KIAA0513: variants seen among roughly 807,000 people sequenced by gnomAD.
The protein encoded by KIAA0513 is KIAA0513.
Under a neutral mutation model 56.5 loss-of-function variants are expected in KIAA0513, and 39 were observed. The observed-to-expected ratio is 0.69, with a 90% CI of 0.53 to 0.90. KIAA0513 has a LOEUF of 0.90. Among genes scored for constraint, KIAA0513 ranks in the 40% least tolerant of loss-of-function variants. KIAA0513 has a pLI of 0.00. For missense variants in KIAA0513, 591 were observed against 535.2 expected, an observed-to-expected ratio of 1.10 and a Z score of -1.03; for synonymous variants, 268 against 215.6, an observed-to-expected ratio of 1.24 and a Z score of -2.13.
In KIAA0513 at chr16:85,066,881, G is replaced by A. The variant is rs74031417; in HGVS notation, c.-172-19G>A. 2,211 of 525,410 alleles carry A rather than the reference G, an allele frequency of 4.2e-3. 44 individuals are homozygous for A. The highest frequency in any genetic ancestry group is 0.039 in the African/African-American group (2,026 of 52,020). The allele number at this position is 525,410 out of a possible 1,614,324, so 32.5% of individuals were successfully genotyped here. On this transcript the variant is annotated intron_variant, in intron 1 of 12. Transcript: ENST00000683363. ...GGTGAGGAGTGGCGCTAATGTCTGT[G>A]TCTGTGTTTCCATTCTAGATGCCGT... is the stretch of plus-strand genomic sequence containing the variant.
chr16:85,067,122 G>C lies in KIAA0513; in HGVS notation c.51G>C (p.Glu17Asp). 1 of 1,611,670 alleles carries C rather than the reference G, an allele frequency of 6.2e-7. No homozygotes were observed. The highest frequency in any genetic ancestry group is 8.5e-7 in the Non-Finnish European group (1 of 1,178,470). The stretch of plus-strand genomic sequence containing the variant: ...GCTCGCTAATCGACTTTGGGCCTGA[G>C]GCACCCACCTCTTCTCCCCTGGAGG... ...PVGSLIDFGP[E>D]APTSSPLEAP... The change falls in exon 2 of 13, where the codon GAG becomes GAC. Residue 17 changes from glutamate (E) to aspartate (D), a missense_variant. Coordinates refer to ENST00000683363, the MANE Select transcript of KIAA0513 (RefSeq NM_001388359.1).
chr16:85,054,623 C>A (rs945208655), intron 1 of KIAA0513, among the ~76,000 whole-genome samples: 2 of 151,576 alleles, frequency 1.3e-5, no homozygotes, highest in African/African-American at 4.8e-5. Flanking sequence ...AGAGATGGGG[C>A]CTCACCATGT....
intron 1 of KIAA0513, among the ~76,000 whole-genome samples, chr16:85,054,846 C>T (rs1029420758): frequency 1.3e-5 from 2 of 151,870 alleles, no homozygotes; most frequent in Non-Finnish European, 2.9e-5. Flanking sequence ...TACGTCCTGG[C>T]GCGGGTGGTG....
intron 1 of KIAA0513, among the ~76,000 whole-genome samples, chr16:85,052,653 C>T (rs936259981): frequency 1.3e-5 from 2 of 152,170 alleles, no homozygotes; most frequent in Non-Finnish European, 2.9e-5. Context: ...TTGATCATTT[C>T]TCCTGAGGCA....
At chr16:85,077,275 A>G in intron 5 of KIAA0513, 150 bp from the exon 6 acceptor site, 1 of 692,328 alleles carries the variant, frequency 1.4e-6, no homozygotes, top group Non-Finnish European at 2.4e-6. Context: ...GGGCCGGCTG[A>G]GCCTGCACCA....
In KIAA0513 at chr16:85,034,004, C is replaced by T. The variant is rs574770335; in HGVS notation, c.-173+6146C>T. On this transcript the variant is annotated intron_variant, in intron 1 of 12. Transcript: ENST00000683363. ...TCCCCCTCACCCCGTGGGCCATGCTCGCCATCCCTCCCCTCAATCCTTCCT... is the reference window on the plus strand; with the variant it reads ...TCCCCCTCACCCCGTGGGCCATGCTTGCCATCCCTCCCCTCAATCCTTCCT... Among the ~76,000 whole-genome samples, 31 of 152,214 alleles carry T rather than the reference C, an allele frequency of 2.0e-4. No individual in the cohort carries two copies. The East Asian group carries it at 3.5e-3, about 17-fold the overall frequency.
intron 1 of KIAA0513, among the ~76,000 whole-genome samples, chr16:85,029,344 G>A (rs1430827884): frequency 2.6e-5 from 4 of 152,196 alleles, no homozygotes; most frequent in Non-Finnish European, 5.9e-5. Flanking sequence ...TTTTGTATGG[G>A]ATGTGTCAGT....
At position 85,040,015 on chromosome 16, in the gene KIAA0513, G is replaced by C. The variant is rs933943956; in HGVS notation, c.-173+12157G>C. The stretch of plus-strand genomic sequence containing the variant: ...GCGCCTGGCTAATTTTGTATTTGTA[G>C]TAGAGACAGGGTTTCACCATGTTGG... On this transcript the variant is annotated intron_variant, in intron 1 of 12. Transcript: ENST00000683363. Among the ~76,000 whole-genome samples the C allele has an allele frequency of 4.6e-5, 7 of 151,238 alleles. 1 individual carries two copies. The highest frequency in any genetic ancestry group is 1.7e-4 in the African/African-American group (7 of 41,106).
chr16:85,083,673 A>G (rs968770577), intron 10 of KIAA0513, among the ~76,000 whole-genome samples: 3 of 152,092 alleles, frequency 2.0e-5, no homozygotes, highest in Admixed American at 2.0e-4. Context: ...GGGCCTTCTC[A>G]CCGAGGCAGA....
intron 2 of KIAA0513, among the ~76,000 whole-genome samples, chr16:85,070,222 C>G (rs2073552945): frequency 6.6e-6 from 1 of 151,654 alleles, no homozygotes; most frequent in East Asian, 1.9e-4. Flanking sequence ...TCTGCAGAGT[C>G]CATTGTTTCC....
chr16:85,031,911 C>A (rs2072970062), intron 1 of KIAA0513, among the ~76,000 whole-genome samples: 1 of 152,182 alleles, frequency 6.6e-6, no homozygotes, highest in Admixed American at 6.5e-5. Context: ...ACGGTGAAAC[C>A]TAGCCTGGCT....
chr16:85,072,700 G>A (rs2073595443), intron 3 of KIAA0513, among the ~76,000 whole-genome samples: 1 of 152,186 alleles, frequency 6.6e-6, no homozygotes, highest in Non-Finnish European at 1.5e-5. Context: ...GGACACCGAG[G>A]GGAACCCCTG....
rs771491950 is a variant in KIAA0513, at chr16:85,081,279, C to T, written c.903-36C>T. The T allele has an allele frequency of 5.0e-6, 8 of 1,605,882 alleles. No homozygotes were observed. The highest frequency in any genetic ancestry group is 6.8e-6 in the Non-Finnish European group (8 of 1,173,018). Reference sequence around the variant, plus strand: ...CACAACCCGTGTCCTCCCCGCCTCCCCTTGGAGAGAGTGTGACTGGGGCTC... The same window carrying T: ...CACAACCCGTGTCCTCCCCGCCTCCTCTTGGAGAGAGTGTGACTGGGGCTC... On this transcript the variant is annotated intron_variant, in intron 8 of 12. Coordinates refer to ENST00000683363, the MANE Select transcript of KIAA0513 (RefSeq NM_001388359.1). This position sits in a 1 kb window ranked among gnomAD's most constrained non-coding sequence, Gnocchi z 4.4.
At chr16:85,028,676 G>C (rs1048928480) in intron 1 of KIAA0513, among the ~76,000 whole-genome samples, 1 of 151,000 alleles carries the variant, frequency 6.6e-6, no homozygotes, top group African/African-American at 2.4e-5. Flanking sequence ...GATTAGACTT[G>C]GGAAGATGAA....
chr16:85,073,668 T>C (rs992256792), intron 4 of KIAA0513, among the ~76,000 whole-genome samples: 1 of 152,210 alleles, frequency 6.6e-6, no homozygotes, highest in Non-Finnish European at 1.5e-5. Context: ...CCTCTTGGCC[T>C]TGGGGAGGCT....
intron 10 of KIAA0513, among the ~76,000 whole-genome samples, chr16:85,084,555 G>A (rs1025222653): frequency 4.0e-5 from 6 of 151,024 alleles, no homozygotes; most frequent in African/African-American, 7.3e-5. Flanking sequence ...TCAGCCTCCC[G>A]AGTAGCTGGG....
chr16:85,054,395 G>GTGTTTCTTT (rs1395282053), intron 1 of KIAA0513, among the ~76,000 whole-genome samples: 1 of 147,552 alleles, frequency 6.8e-6, no homozygotes, highest in Non-Finnish European at 1.5e-5. Context: ...ATTGAAATCT[G>GTGTTTCTTT]TGTTTCTTTT....
chr16:85,077,893 C>G (rs887343475), intron 6 of KIAA0513, among the ~76,000 whole-genome samples: 3 of 152,214 alleles, frequency 2.0e-5, no homozygotes, highest in African/African-American at 7.2e-5. Flanking sequence ...GCAGAGGGAA[C>G]TGCAGCCCTC....
intron 1 of KIAA0513, among the ~76,000 whole-genome samples, chr16:85,059,571 C>A (rs1016322954): frequency 3.3e-5 from 5 of 152,232 alleles, no homozygotes; most frequent in African/African-American, 1.2e-4. Context: ...CCCGCACACA[C>A]CCCTCTTCTC....
Sources: gnomAD v4.1 joint callset for allele counts (sites outside exome capture counted in the v4.1 genomes callset) on GRCh38, gnomAD v4.1.1 for gene constraint, Gnocchi (gnomAD v3.1) non-coding constraint, MANE v1.5 for transcripts, NCBI Gene and HGNC (gene_info 2026-07-23, HGNC 2026-07-21) for gene names.